The following SH3YL1 variants were observed in gnomAD, a reference collection of about 807,000 sequenced individuals.
The protein encoded by SH3YL1 is SH3 domain-containing YSC84-like protein 1.
SH3YL1 carries 41 observed loss-of-function variants against 45.8 expected under a neutral mutation model. The ratio of observed to expected loss-of-function variants is 0.89; its 90% CI spans 0.70 to 1.16. The LOEUF is 1.16. SH3YL1 is among the 50% of genes most tolerant of loss of function. The probability of loss-of-function intolerance (pLI) is 0.00; values close to 1 mark genes in which losing one functional copy is unlikely to be tolerated. For missense variants in SH3YL1, 389 were observed against 409.6 expected (o/e 0.95, Z 0.43); for synonymous variants, 152 against 151.4 (o/e 1.00, Z -0.03).
upstream of SH3YL1, chr2:264,176 T>C (rs1669738263): frequency 1.3e-6 from 1 of 772,370 alleles, no homozygotes; most frequent in Non-Finnish European, 1.9e-6. Context: ...CGCTCAGGCC[T>C]TCGCCCTCAG....
chr2:252,634 T>C, intron 2 of SH3YL1, among the ~76,000 whole-genome samples: 1 of 152,182 alleles, frequency 6.6e-6, no homozygotes, highest in East Asian at 1.9e-4. Flanking sequence ...TATCATTATT[T>C]TATCATTATT....
intron 1 of SH3YL1, among the ~76,000 whole-genome samples, chr2:258,307 T>C (rs1186659405): frequency 6.6e-6 from 1 of 152,238 alleles, no homozygotes; most frequent in Non-Finnish European, 1.5e-5. Context: ...TTTTCCATGT[T>C]TGTGCCATCT....
At chr2:221,837 T>C (rs1352856263) in intron 9 of SH3YL1, among the ~76,000 whole-genome samples, 1 of 152,202 alleles carries the variant, frequency 6.6e-6, no homozygotes, top group Non-Finnish European at 1.5e-5. Context: ...ATCTGCTTTC[T>C]CAGATAACAA....
At chr2:258,196 T>A (rs1344213996) in intron 1 of SH3YL1, among the ~76,000 whole-genome samples, 3 of 152,210 alleles carry the variant, frequency 2.0e-5, no homozygotes, top group African/African-American at 7.2e-5. Flanking sequence ...TGAAGAATGA[T>A]ATTGGTAGTA....
chr2:258,938 G>A (rs574130790), intron 1 of SH3YL1, among the ~76,000 whole-genome samples: 6 of 152,282 alleles, frequency 3.9e-5, no homozygotes, highest in Admixed American at 2.0e-4. Context: ...TCTCTCAGCC[G>A]TCCCTCATTG....
At chr2:262,630 C>T (rs1435762983) in intron 1 of SH3YL1, 5 of 1,304,186 alleles carry the variant, frequency 3.8e-6, no homozygotes, top group Non-Finnish European at 5.1e-6. Flanking sequence ...ACGCCACTCA[C>T]TGGCAAACAA....
intron 4 of SH3YL1, among the ~76,000 whole-genome samples, chr2:246,713 A>G (rs902430665): frequency 1.3e-5 from 2 of 152,214 alleles, no homozygotes; most frequent in Non-Finnish European, 2.9e-5. Context: ...TTGGTTGCAC[A>G]TGGTACAAAA....
chr2:221,175 C>T (rs192453630), intron 9 of SH3YL1, among the ~76,000 whole-genome samples: 14 of 152,312 alleles, frequency 9.2e-5, no homozygotes, highest in Admixed American at 2.0e-4. Context: ...TCCAGGTCAT[C>T]CAAGACCCTC....
intron 4 of SH3YL1, chr2:242,741 C>CAAT (rs2103038742): frequency 6.7e-7 from 1 of 1,481,594 alleles, no homozygotes; most frequent in Non-Finnish European, 9.0e-7. Flanking sequence ...ATAACAACAA[C>CAAT]AACAACAACA....
At chr2:224,162 T>C (rs1667697097) in intron 9 of SH3YL1, among the ~76,000 whole-genome samples, 7 of 152,222 alleles carry the variant, frequency 4.6e-5, no homozygotes, top group Admixed American at 4.6e-4. Flanking sequence ...GGCTATTTTA[T>C]GATTGTTTAA....
chr2:263,819 G>T, intron 1 of SH3YL1, 165 bp downstream of exon 1: 1 of 563,734 alleles, frequency 1.8e-6, no homozygotes, highest in Non-Finnish European at 3.2e-6. Flanking sequence ...GGTCAAGAAA[G>T]TCCTGGAAGC....
chr2:249,585 T>G (rs1456262784), intron 3 of SH3YL1, 146 bp downstream of exon 3: 2 of 592,054 alleles, frequency 3.4e-6, no homozygotes, highest in East Asian at 5.9e-5. Context: ...GACACCAAAC[T>G]GCACGTTCAG....
intron 4 of SH3YL1, among the ~76,000 whole-genome samples, chr2:245,718 G>A (rs1045491039): frequency 3.3e-5 from 5 of 152,038 alleles, no homozygotes; most frequent in African/African-American, 1.2e-4. Flanking sequence ...TGGTTTGAGA[G>A]GAGAAGATTG....
chr2:237,439 C>A (rs1338622607), intron 4 of SH3YL1, among the ~76,000 whole-genome samples: 1 of 152,022 alleles, frequency 6.6e-6, no homozygotes, highest in Middle Eastern at 3.2e-3. Context: ...TTTATTTCCA[C>A]AGCTTAGAAG....
At chr2:232,985 C>T (rs1668115642) in intron 6 of SH3YL1, 116 bp downstream of exon 6, 2 of 874,436 alleles carry the variant, frequency 2.3e-6, no homozygotes, top group South Asian at 4.0e-5. Flanking sequence ...AAGATACACA[C>T]TTAAAACCAC....
intron 1 of SH3YL1, chr2:256,749 G>A (rs112867614): frequency 3.3e-5 from 5 of 152,182 alleles, no homozygotes; most frequent in African/African-American, 1.2e-4. Flanking sequence ...CCTAGGATAG[G>A]AATTGCCAGT....
chr2:263,783 G>T, intron 1 of SH3YL1: 1 of 479,366 alleles, frequency 2.1e-6, no homozygotes. Context: ...AAAAGACGGT[G>T]GCTAAACTTC....
At chr2:252,948 A>G (rs940846960) in intron 2 of SH3YL1, 57 bp downstream of exon 2, 3 of 1,134,720 alleles carry the variant, frequency 2.6e-6, no homozygotes, top group Non-Finnish European at 3.8e-6. Flanking sequence ...AACAATGCAA[A>G]AAACAACTTA....
intron 4 of SH3YL1, among the ~76,000 whole-genome samples, chr2:238,501 C>G (rs969374651): frequency 1.2e-4 from 19 of 152,106 alleles, no homozygotes; most frequent in Admixed American, 9.2e-4. Context: ...AGTGAAAGGG[C>G]CCATGTAAAT....
Sources: gnomAD v4.1 joint callset for allele counts (sites outside exome capture counted in the v4.1 genomes callset) on GRCh38, gnomAD v4.1.1 for gene constraint, MANE v1.5 for transcripts, NCBI Gene and HGNC (gene_info 2026-07-23, HGNC 2026-07-21) for gene names.